MYO6: variants seen among roughly 807,000 people sequenced by gnomAD.
MYO6 encodes myosin VI, also known as unconventional myosin-VI.
Under a neutral mutation model 178.7 loss-of-function variants are expected in MYO6, and 74 were observed. The observed-to-expected ratio is 0.41, with a 90% CI of 0.34 to 0.50. The LOEUF (loss-of-function observed/expected upper bound fraction) is 0.50, where lower values mean the gene tolerates loss of function less well. Among genes scored for constraint, MYO6 ranks in the 20% least tolerant of loss-of-function variants. The probability of loss-of-function intolerance (pLI) is 0.09; values close to 1 mark genes in which losing one functional copy is unlikely to be tolerated. For synonymous variants in MYO6, 477 were observed against 504.6 expected, an observed-to-expected ratio of 0.95 and a Z score of 0.73; for missense variants, 1,330 against 1,547.4, an observed-to-expected ratio of 0.86 and a Z score of 2.36.
intron 15 of MYO6, among the ~76,000 whole-genome samples, chr6:75,861,522 C>G (rs531818866): frequency 6.6e-6 from 1 of 151,184 alleles, no homozygotes. Context: ...TAACTGGTTG[C>G]GAGCTGGCTT....
rs573562508 is a variant in MYO6, at chr6:75,904,953, C to G, written c.3177-2652C>G. ...GTTAGTTTTCCTTCTACAGACAGGA[C>G]CCTCAGCTGCAGGTCTGTTGGAGTA... On this transcript the variant is annotated intron_variant, in intron 30 of 34. Coordinates refer to ENST00000369977, the MANE Select transcript of MYO6 (RefSeq NM_004999.4). Among the ~76,000 whole-genome samples, 3 of 152,258 alleles carry G rather than the reference C, an allele frequency of 2.0e-5. No homozygotes were observed. The East Asian group carries it at 5.8e-4, about 29-fold the overall frequency.
rs1231278835 is a variant in MYO6, at chr6:75,855,296, A to C, written c.1223+13A>C. 1 of 1,612,590 alleles carries C rather than the reference A, an allele frequency of 6.2e-7. No homozygotes were observed. Among genetic ancestry groups the C allele is most frequent in the Non-Finnish European group, 8.5e-7 (1 of 1,179,122 alleles). On this transcript the variant is annotated intron_variant, in intron 12 of 34. Transcript: ENST00000369977. ...GAACAGTTATAAAGTAAGTTCCTTA[A>C]GTAATTGCACTGCAAAAATTTTGCC...
At chr6:75,913,497 T>A (rs1225792559) in intron 33 of MYO6, among the ~76,000 whole-genome samples, 1 of 152,174 alleles carries the variant, frequency 6.6e-6, no homozygotes, top group Non-Finnish European at 1.5e-5. Flanking sequence ...GTCTAAATGT[T>A]GTTAATATCT....
In MYO6 at chr6:75,756,167, G is replaced by A. The variant is rs191719725; in HGVS notation, c.-48+6744G>A. ...CCTAGCTACTCAGGCGGCTGAGGCAGGAGGAATGCTTGAGCCCAGGTGTTT... is the reference window on the plus strand; with the variant it reads ...CCTAGCTACTCAGGCGGCTGAGGCAAGAGGAATGCTTGAGCCCAGGTGTTT... On this transcript the variant is annotated intron_variant, in intron 1 of 34. Transcript: ENST00000369977. Among the ~76,000 whole-genome samples the A allele has an allele frequency of 1.5e-3, 231 of 152,090 alleles. 1 individual carries two copies. The highest frequency in any genetic ancestry group is 2.4e-3 in the Non-Finnish European group (163 of 68,004).
chr6:75,886,689 A>AT (rs1019141429), intron 24 of MYO6, among the ~76,000 whole-genome samples, 155 bp from the exon 25 acceptor site: 3 of 152,014 alleles, frequency 2.0e-5, no homozygotes, highest in South Asian at 2.1e-4. Flanking sequence ...CTCATATTTG[A>AT]TTTTTTTTAG....
intron 1 of MYO6, among the ~76,000 whole-genome samples, chr6:75,786,279 A>G (rs1767559076): frequency 6.6e-6 from 1 of 152,142 alleles, no homozygotes; most frequent in South Asian, 2.1e-4. Flanking sequence ...CTGTCTGTTC[A>G]TGCACTATTA....
chr6:75,873,092 C>G (rs1480165759), intron 19 of MYO6, 115 bp from the exon 20 acceptor site: 1 of 850,588 alleles, frequency 1.2e-6, no homozygotes, highest in Admixed American at 2.0e-5. Context: ...TTAGTAATTA[C>G]TTTTACAGGT....
At chr6:75,771,002 CTTT>C (rs112998101) in intron 1 of MYO6, among the ~76,000 whole-genome samples, 1 of 138,692 alleles carries the variant, frequency 7.2e-6, no homozygotes, top group Non-Finnish European at 1.6e-5. Flanking sequence ...TTTTTTTTTT[CTTT>C]TTTTTTTTTT....
intron 1 of MYO6, among the ~76,000 whole-genome samples, chr6:75,775,831 A>G (rs764349546): frequency 1.1e-4 from 17 of 152,208 alleles, no homozygotes; most frequent in Non-Finnish European, 2.1e-4. Flanking sequence ...TGGCTTTTTA[A>G]TGGAGTTGAC....
intron 2 of MYO6, among the ~76,000 whole-genome samples, chr6:75,821,604 A>T (rs546861423): frequency 2.7e-4 from 41 of 150,158 alleles, no homozygotes; most frequent in Non-Finnish European, 5.5e-4. Context: ...CGTGGATTTT[A>T]CTCATTATAG....
At position 75,914,138 on chromosome 6, in the gene MYO6, G is replaced by A. The variant is rs1554223761; in HGVS notation, c.3515G>A (p.Arg1172His). 12 of 1,614,058 alleles carry A rather than the reference G, an allele frequency of 7.4e-6. No individual in the cohort carries two copies. Among genetic ancestry groups the A allele is most frequent in the Middle Eastern group, 3.3e-4 (2 of 6,062 alleles). ...ATGAACCGACAGCAACGCTTCTTCCGCATCCCATTCATCCGCCCTGCCGAC... is the reference window on the plus strand; with the variant it reads ...ATGAACCGACAGCAACGCTTCTTCCACATCCCATTCATCCGCCCTGCCGAC... ...IEMNRQQRFFRIPFIRPADQY... is the reference protein window; with the variant it reads ...IEMNRQQRFFHIPFIRPADQY... The change falls in exon 34 of 35, where the codon CGC becomes CAC. Residue 1172 changes from arginine (R) to histidine (H), a missense_variant. Transcript: ENST00000369977.
chr6:75,797,315 A>T (rs1421731631), intron 1 of MYO6, among the ~76,000 whole-genome samples: 1 of 151,890 alleles, frequency 6.6e-6, no homozygotes, highest in Non-Finnish European at 1.5e-5. Flanking sequence ...CTGATCTCGA[A>T]CTCCCGACCT....
In MYO6 at chr6:75,832,939, T is replaced by G. The variant is rs1452828788; in HGVS notation, c.489T>G (p.Phe163Leu). Residue 163 changes from phenylalanine to leucine, a missense_variant, in exon 6 of 35, where the codon TTT becomes TTG. Phe to Leu is a conservative substitution (Grantham distance 22). This residue lies in a region of MYO6 where 613 missense variants were observed against 816.8 expected (regional missense o/e 0.75). Coordinates refer to ENST00000369977, the MANE Select transcript of MYO6 (RefSeq NM_004999.4). ...SGAGKTENTK[F>L]VLRYLTESYG... is the part of the protein sequence containing the mutation. ...CCGGCAAAACAGAAAATACAAAATT[T>G]GTTCTAAGGTGAGTATTCAGCTAAC... The G allele has an allele frequency of 6.2e-7, 1 of 1,607,848 alleles. No homozygotes were observed. Among genetic ancestry groups the G allele is most frequent in the Non-Finnish European group, 8.5e-7 (1 of 1,174,312 alleles).
intron 1 of MYO6, among the ~76,000 whole-genome samples, chr6:75,808,513 CAT>C (rs1770332620): frequency 6.6e-6 from 1 of 152,152 alleles, no homozygotes. Flanking sequence ...AAGGCTTAAA[CAT>C]ATGAATTTGG....
chr6:75,874,260 A>T (rs1777387289), intron 20 of MYO6, among the ~76,000 whole-genome samples: 1 of 152,168 alleles, frequency 6.6e-6, no homozygotes, highest in Non-Finnish European at 1.5e-5. Flanking sequence ...ACAAAACCAT[A>T]GCTATTGAGA....
chr6:75,818,655 C>T (rs1343513025), intron 2 of MYO6, among the ~76,000 whole-genome samples: 2 of 152,054 alleles, frequency 1.3e-5, no homozygotes, highest in Non-Finnish European at 2.9e-5. Flanking sequence ...TTCTGGGAAC[C>T]TTAGAAAAAC....
intron 23 of MYO6, among the ~76,000 whole-genome samples, chr6:75,885,015 A>G (rs918045108): frequency 1.3e-5 from 2 of 152,164 alleles, no homozygotes; most frequent in African/African-American, 2.4e-5. Context: ...GGAAAGGGTT[A>G]TTATCATGTT....
intron 34 of MYO6, 43 bp from the exon 35 acceptor site, chr6:75,914,770 C>G: frequency 3.2e-6 from 5 of 1,585,616 alleles, no homozygotes; most frequent in Non-Finnish European, 4.3e-6. Context: ...AGAAATGGTC[C>G]TGAAGAGAGA....
chr6:75,806,990 T>C (rs1770168286), intron 1 of MYO6, among the ~76,000 whole-genome samples: 1 of 152,108 alleles, frequency 6.6e-6, no homozygotes, highest in Non-Finnish European at 1.5e-5. Context: ...TCAGCACAGA[T>C]AAAAAACTGA....
Sources: gnomAD v4.1 joint callset for allele counts (sites outside exome capture counted in the v4.1 genomes callset) on GRCh38, gnomAD v4.1.1 for gene constraint, gnomAD v4.1.1 regional missense constraint, MANE v1.5 for transcripts, NCBI Gene and HGNC (gene_info 2026-07-23, HGNC 2026-07-21) for gene names.